TMC2: variants seen among roughly 807,000 people sequenced by gnomAD.
The protein encoded by TMC2 is transmembrane channel like 2.
Under a neutral mutation model 105.9 loss-of-function variants are expected in TMC2, and 102 were observed. That is an observed-to-expected ratio of 0.96 (90% CI 0.82 to 1.14). The LOEUF (loss-of-function observed/expected upper bound fraction) is 1.14. Ranked by LOEUF, TMC2 falls within the 50% of genes most tolerant of loss-of-function variation. The probability of loss-of-function intolerance (pLI) is 0.00; values close to 1 mark genes in which losing one functional copy is unlikely to be tolerated. For missense variants in TMC2, 1,093 were observed against 1,134.3 expected (o/e 0.96, Z 0.52); for synonymous variants, 402 against 422.8 (o/e 0.95, Z 0.60).
At chr20:2,548,582 GAGCCA>G (rs201062662) in intron 2 of TMC2, among the ~76,000 whole-genome samples, 2,038 of 151,244 alleles carry the variant, frequency 0.013, 31 homozygotes, top group East Asian at 0.054. Flanking sequence ...AGGTTGCAGT[GAGCCA>G]AGATAGCACC....
intron 7 of TMC2, among the ~76,000 whole-genome samples, chr20:2,580,665 C>G (rs1272300315): frequency 6.6e-6 from 1 of 152,108 alleles, no homozygotes; most frequent in Non-Finnish European, 1.5e-5. Context: ...TCAGTGCAGC[C>G]TTGAACTCCT....
At position 2,589,269 on chromosome 20, in the gene TMC2, CCTGTGT is replaced by C. The variant is rs1462355679; in HGVS notation, c.835-3040_835-3035del. ...TTTTTCCAGATATCTTCCTATTTGC[CCTGTGT>C]GTGTGTGTGTGTGTGTGTGTGTGTG... On this transcript the variant is annotated intron_variant, in intron 7 of 19. Coordinates refer to ENST00000358864, the MANE Select transcript of TMC2 (RefSeq NM_080751.3). Among the ~76,000 whole-genome samples the C allele has an allele frequency of 1.8e-3, 152 of 84,702 alleles. 1 individual carries two copies. The highest frequency in any genetic ancestry group is 4.2e-3 in the South Asian group (11 of 2,614). The allele number at this position is 84,702 out of a possible 152,430, so 55.6% of individuals were successfully genotyped here.
Position 2,561,897 on chromosome 20 carries a change from C to T in TMC2, c.441C>T (p.Ser147=). Residue 147 remains serine (S), a synonymous_variant, in exon 4 of 20, where the codon TCC becomes TCT. Coordinates refer to ENST00000358864, the MANE Select transcript of TMC2 (RefSeq NM_080751.3). ...CCTCCAGTGCCTCTGGTGGGGAGTC[C>T]CTGTCCGAGGAGGAACTGGCCCAGA... ...SLASSASGGE[S]LSEEELAQIL... 1 of 1,614,184 alleles carries T rather than the reference C, an allele frequency of 6.2e-7. No homozygotes were observed. The highest frequency in any genetic ancestry group is 8.5e-7 in the Non-Finnish European group (1 of 1,180,022).
intron 2 of TMC2, among the ~76,000 whole-genome samples, chr20:2,553,865 T>C (rs1048602125): frequency 8.5e-5 from 13 of 152,158 alleles, no homozygotes; most frequent in African/African-American, 1.9e-4. Flanking sequence ...TTGTCTGCAA[T>C]ACTCCTTTAT....
chr20:2,588,400 G>A (rs2086245364), intron 7 of TMC2, among the ~76,000 whole-genome samples: 3 of 152,180 alleles, frequency 2.0e-5, no homozygotes, highest in South Asian at 2.1e-4. Flanking sequence ...AGTCTGGTGA[G>A]ACCCTGAGCA....
At position 2,592,354 on chromosome 20, in the gene TMC2, G is replaced by A. The variant is rs1213312904; in HGVS notation, c.879G>A (p.Val293=). The A allele has an allele frequency of 6.2e-7, 1 of 1,614,118 alleles. No individual in the cohort carries two copies. The highest frequency in any genetic ancestry group is 1.1e-5 in the South Asian group (1 of 91,076). The part of the protein sequence containing the change: ...MPYGSIPRKT[V]PRAEEEKAMD... ...ATGGGAGTATTCCCAGAAAGACAGT[G>A]CCTCGGGCTGAGGAAGAAAAGGCCA... Residue 293 remains valine (V), a synonymous_variant, in exon 8 of 20, where the codon GTG becomes GTA. Transcript: ENST00000358864. The surrounding 1 kb of genome is among the most constrained non-coding windows in gnomAD (Gnocchi z 4.9).
At chr20:2,575,262 T>C (rs1383191779) in intron 5 of TMC2, among the ~76,000 whole-genome samples, 1 of 152,204 alleles carries the variant, frequency 6.6e-6, no homozygotes, top group Non-Finnish European at 1.5e-5. Context: ...CTTGGATCCA[T>C]GTGTTTTTTA....
At chr20:2,567,363 A>G (rs2086071540) in intron 4 of TMC2, among the ~76,000 whole-genome samples, 1 of 152,206 alleles carries the variant, frequency 6.6e-6, no homozygotes, top group Non-Finnish European at 1.5e-5. Context: ...GCAATGTCAG[A>G]GGAGGCCTGG....
chr20:2,587,507 AC>A (rs1436663085), intron 7 of TMC2, among the ~76,000 whole-genome samples: 46 of 139,350 alleles, frequency 3.3e-4, no homozygotes, highest in African/African-American at 1.1e-3. Context: ...TCACTATTAG[AC>A]CTCATAAAGT....
intron 17 of TMC2, 141 bp downstream of exon 17, chr20:2,624,537 T>C (rs2086550774): frequency 6.7e-6 from 7 of 1,050,348 alleles, no homozygotes; most frequent in Non-Finnish European, 8.1e-6. Context: ...CAAGTGTAAG[T>C]ATTTTATTAG....
Position 2,569,382 on chromosome 20 carries a change from C to T in TMC2, c.555-2797C>T, listed in dbSNP as rs183306035. Among the ~76,000 whole-genome samples, 26 of 152,322 alleles carry T rather than the reference C, an allele frequency of 1.7e-4. No individual in the cohort carries two copies. In the East Asian group the frequency reaches 3.9e-3, roughly 23 times the overall value. ...CAACATCCATGTGTTCCACAAATAC[C>T]TATCCAATGATGCCTGACTTACAAT... On this transcript the variant is annotated intron_variant, in intron 4 of 19. Coordinates refer to ENST00000358864, the MANE Select transcript of TMC2 (RefSeq NM_080751.3).
chr20:2,635,324 C>T (rs534152862), intron 17 of TMC2, among the ~76,000 whole-genome samples: 5 of 149,504 alleles, frequency 3.3e-5, no homozygotes, highest in Non-Finnish European at 7.4e-5. Context: ...TGTGCTTCTT[C>T]GGCAAACTTA....
chr20:2,604,709 A>G (rs1025745009), intron 11 of TMC2, among the ~76,000 whole-genome samples: 3 of 152,142 alleles, frequency 2.0e-5, no homozygotes, highest in Admixed American at 1.3e-4. Context: ...CGTCACCTCC[A>G]GGGAGGGGAG....
chr20:2,550,048 T>C (rs984971373), intron 2 of TMC2, among the ~76,000 whole-genome samples: 1 of 151,982 alleles, frequency 6.6e-6, no homozygotes, highest in Non-Finnish European at 1.5e-5. Flanking sequence ...TTGGGCATAG[T>C]GGTGCGCACC....
intron 2 of TMC2, among the ~76,000 whole-genome samples, chr20:2,554,444 G>T (rs1176115690): frequency 1.3e-5 from 2 of 151,996 alleles, no homozygotes; most frequent in African/African-American, 4.8e-5. Context: ...CAATTTCATT[G>T]ATTTCTGCTC....
intron 2 of TMC2, among the ~76,000 whole-genome samples, chr20:2,553,393 A>G (rs1206790125): frequency 1.3e-5 from 2 of 152,196 alleles, no homozygotes; most frequent in African/African-American, 2.4e-5. Context: ...GATTACATCA[A>G]TTGATTTTCT....
chr20:2,581,075 T>G (rs938859012), intron 7 of TMC2, among the ~76,000 whole-genome samples: 1 of 152,212 alleles, frequency 6.6e-6, no homozygotes, highest in African/African-American at 2.4e-5. Context: ...GTGTATTAAT[T>G]GGTTCTTTGA....
chr20:2,559,532 A>G (rs2086010793), intron 3 of TMC2, among the ~76,000 whole-genome samples: 1 of 152,090 alleles, frequency 6.6e-6, no homozygotes, highest in Non-Finnish European at 1.5e-5. Flanking sequence ...TTGTTTTAAG[A>G]ATTCTTTGTG....
chr20:2,634,038 A>T (rs1399123280), intron 17 of TMC2, among the ~76,000 whole-genome samples: 1 of 152,176 alleles, frequency 6.6e-6, no homozygotes, highest in Non-Finnish European at 1.5e-5. Context: ...TCCCTCTTTG[A>T]CTATCATCTT....
Sources: gnomAD v4.1 joint callset for allele counts (sites outside exome capture counted in the v4.1 genomes callset) on GRCh38, gnomAD v4.1.1 for gene constraint, Gnocchi (gnomAD v3.1) non-coding constraint, MANE v1.5 for transcripts, NCBI Gene and HGNC (gene_info 2026-07-23, HGNC 2026-07-21) for gene names.